LIMS1: variants seen among roughly 807,000 people sequenced by gnomAD.
LIMS1 encodes the protein LIM and senescent cell antigen-like-containing domain protein 1.
Under a neutral mutation model 44.1 loss-of-function variants are expected in LIMS1, and 18 were observed. The observed-to-expected ratio is 0.41, with a 90% CI of 0.28 to 0.61. The LOEUF is 0.61. Ranked by LOEUF, LIMS1 falls within the 20% of genes least tolerant of loss-of-function variation. The pLI is 0.32. For missense variants in LIMS1, 201 were observed against 422.0 expected, an observed-to-expected ratio of 0.48 and a Z score of 4.59; for synonymous variants, 93 against 149.1, an observed-to-expected ratio of 0.62 and a Z score of 2.74.
At chr2:108,613,311 T>G (rs1687760480) in intron 1 of LIMS1, among the ~76,000 whole-genome samples, 1 of 152,160 alleles carries the variant, frequency 6.6e-6, no homozygotes, top group Non-Finnish European at 1.5e-5. Flanking sequence ...AGAGTCAAAG[T>G]AGGTTTAAAA....
intron 1 of LIMS1, among the ~76,000 whole-genome samples, chr2:108,619,060 A>C (rs1187924342): frequency 6.6e-6 from 1 of 151,718 alleles, no homozygotes; most frequent in Admixed American, 6.6e-5. Context: ...AACCCCCTGC[A>C]CATCCTTTTA....
chr2:108,644,144 G>A (rs1356860286), intron 1 of LIMS1, among the ~76,000 whole-genome samples: 2 of 152,188 alleles, frequency 1.3e-5, no homozygotes, highest in East Asian at 3.9e-4. Flanking sequence ...TCCCAGCACA[G>A]CGTTCAAGCT....
chr2:108,553,182 C>G (rs371963196), intron 1 of LIMS1, among the ~76,000 whole-genome samples: 28 of 152,266 alleles, frequency 1.8e-4, no homozygotes, highest in East Asian at 1.5e-3. Flanking sequence ...CTCCTGGACA[C>G]AATTTGTAGG....
intron 1 of LIMS1, among the ~76,000 whole-genome samples, chr2:108,551,955 A>G (rs7601317): frequency 0.12 from 7,713 of 64,628 alleles, 313 homozygotes; most frequent in African/African-American, 0.2. Context: ...GTGTGTGTGT[A>G]TATATATATA....
At chr2:108,570,808 C>A (rs1685455699) in intron 1 of LIMS1, among the ~76,000 whole-genome samples, 1 of 152,174 alleles carries the variant, frequency 6.6e-6, no homozygotes, top group African/African-American at 2.4e-5. Context: ...AAGGTACTGG[C>A]TCTGCAGTCC....
At chr2:108,666,887 G>T (rs28721976) in intron 2 of LIMS1, among the ~76,000 whole-genome samples, 61 of 152,302 alleles carry the variant, frequency 4.0e-4, no homozygotes, top group African/African-American at 7.5e-4. Flanking sequence ...GGGGAAGGTG[G>T]TCAGAGCTTC....
At chr2:108,600,714 C>T (rs945014529) in intron 1 of LIMS1, among the ~76,000 whole-genome samples, 65 of 152,206 alleles carry the variant, frequency 4.3e-4, no homozygotes, top group Admixed American at 3.9e-4. Context: ...TTCTCTATTC[C>T]GTTCCATTGG....
At chr2:108,542,585 A>G (rs1466507101) in intron 1 of LIMS1, among the ~76,000 whole-genome samples, 4 of 152,168 alleles carry the variant, frequency 2.6e-5, no homozygotes, top group African/African-American at 9.7e-5. Context: ...CCAAGTCTCA[A>G]GGCTTTTTCT....
intron 1 of LIMS1, among the ~76,000 whole-genome samples, chr2:108,551,933 G>C (rs944184901): frequency 1.3e-5 from 1 of 77,374 alleles, no homozygotes; most frequent in Non-Finnish European, 2.6e-5. Context: ...GTATATATGT[G>C]TGTGTGTGTG....
chr2:108,545,327 G>A (rs945327809), intron 1 of LIMS1, among the ~76,000 whole-genome samples: 4 of 152,202 alleles, frequency 2.6e-5, no homozygotes, highest in African/African-American at 4.8e-5. Context: ...TCCGCCTCCC[G>A]GGTTCAAGGG....
chr2:108,626,623 C>A (rs1474960483), intron 1 of LIMS1, among the ~76,000 whole-genome samples: 1 of 152,184 alleles, frequency 6.6e-6, no homozygotes, highest in Non-Finnish European at 1.5e-5. Flanking sequence ...AGTTCAGAAT[C>A]TGTTTCTCAT....
intron 1 of LIMS1, among the ~76,000 whole-genome samples, chr2:108,569,764 C>CTTTTTTTTTTTTTTTTTTTTTTTTTT (rs10596766): frequency 1.8e-5 from 2 of 113,126 alleles, no homozygotes; most frequent in African/African-American, 6.9e-5. Flanking sequence ...CCATATCTGG[C>CTTTTTTTTTTTTTTTTTTTTTTTTTT]TTTTTTTTTT....
intron 1 of LIMS1, among the ~76,000 whole-genome samples, chr2:108,589,183 T>TAA (rs74920781): frequency 6.8e-6 from 1 of 146,038 alleles, no homozygotes. Context: ...AAACGCTGTT[T>TAA]AAAAAAAAAA....
At chr2:108,542,464 G>C (rs1444123023) in intron 1 of LIMS1, among the ~76,000 whole-genome samples, 4 of 152,300 alleles carry the variant, frequency 2.6e-5, no homozygotes, top group African/African-American at 7.2e-5. Flanking sequence ...AACTCACCAA[G>C]TCATACAATT....
chr2:108,638,773 G>A (rs1017565040), intron 1 of LIMS1, among the ~76,000 whole-genome samples: 1 of 152,072 alleles, frequency 6.6e-6, no homozygotes, highest in Non-Finnish European at 1.5e-5. Context: ...GCTGGGCACG[G>A]TGGCTCACGC....
intron 1 of LIMS1, among the ~76,000 whole-genome samples, chr2:108,653,995 T>C (rs932189789): frequency 6.2e-5 from 9 of 144,078 alleles, no homozygotes; most frequent in Non-Finnish European, 1.4e-4. Context: ...CAATCAGTTA[T>C]GCATTTGTCT....
intron 1 of LIMS1, among the ~76,000 whole-genome samples, chr2:108,537,034 A>G (rs562101128): frequency 6.6e-6 from 1 of 152,330 alleles, no homozygotes; most frequent in African/African-American, 2.4e-5. Context: ...TCACTTAAAA[A>G]GTGAAATTGA....
chr2:108,667,834 CTG>C (rs1691889627), intron 2 of LIMS1, among the ~76,000 whole-genome samples: 1 of 152,066 alleles, frequency 6.6e-6, no homozygotes, highest in African/African-American at 2.4e-5. Context: ...GCACATCCTC[CTG>C]TATACTTTTC....
chr2:108,668,368 T>A (rs1691934593), intron 2 of LIMS1, among the ~76,000 whole-genome samples: 1 of 152,170 alleles, frequency 6.6e-6, no homozygotes, highest in African/African-American at 2.4e-5. Flanking sequence ...CCCCATCCCC[T>A]CCACTCCATT....
Sources: gnomAD v4.1 joint callset for allele counts (sites outside exome capture counted in the v4.1 genomes callset) on GRCh38, gnomAD v4.1.1 for gene constraint, MANE v1.5 for transcripts, NCBI Gene and HGNC (gene_info 2026-07-23, HGNC 2026-07-21) for gene names.